Variants in IGHMBP2 observed in about 807,000 individuals in gnomAD.
IGHMBP2 encodes the protein immunoglobulin mu DNA binding protein 2, also known as DNA-binding protein SMUBP-2.
IGHMBP2 carries 81 observed loss-of-function variants against 96.0 expected under a neutral mutation model. The observed-to-expected ratio is 0.84, with a 90% confidence interval of 0.71 to 1.01. The LOEUF (loss-of-function observed/expected upper bound fraction) is 1.01. Ranked by LOEUF, IGHMBP2 falls within the 50% of genes least tolerant of loss-of-function variation. The pLI, the probability that IGHMBP2 is intolerant of heterozygous loss-of-function variation, is 0.00. For synonymous variants in IGHMBP2, 557 were observed against 548.9 expected (o/e 1.01, Z -0.21); for missense variants, 1,227 against 1,306.3 (o/e 0.94, Z 0.94).
intron 1 of IGHMBP2, 117 bp from the exon 2 acceptor site, chr11:68,905,952 A>T (rs1477866111): frequency 9.7e-6 from 10 of 1,032,644 alleles, no homozygotes; most frequent in Non-Finnish European, 1.5e-5. Context: ...CCATTGGGAC[A>T]TATTTAGTGC....
intron 6 of IGHMBP2, 119 bp downstream of exon 6, chr11:68,915,142 A>G: frequency 1.7e-6 from 1 of 586,806 alleles, no homozygotes. Context: ...CGATTCCTTT[A>G]ATAATTTTAA....
At chr11:68,920,773 T>C (rs1033718323) in intron 7 of IGHMBP2, among the ~76,000 whole-genome samples, 4 of 152,116 alleles carry the variant, frequency 2.6e-5, no homozygotes, top group African/African-American at 9.7e-5. Flanking sequence ...TGTAAGCCAC[T>C]GTGCCTGGCC....
chr11:68,926,826 C>T (rs547821720), intron 7 of IGHMBP2, among the ~76,000 whole-genome samples: 78 of 151,728 alleles, frequency 5.1e-4, no homozygotes, highest in African/African-American at 1.8e-3. Flanking sequence ...AGTGCCGTAG[C>T]GTGATCTCGG....
Position 68,905,981 on chromosome 11 carries a change from CTA to C in IGHMBP2, c.87-86_87-85del. On this transcript the variant is annotated intron_variant, in intron 1 of 14. Coordinates refer to ENST00000255078, the MANE Select transcript of IGHMBP2 (RefSeq NM_002180.3). ...TTAGTGCCTGTGAGTAGATCTTTAT[CTA>C]TGTTTCTTTCTCTTTTACTTTTCCT... 2.3e-6 allele frequency: 3 copies of C among 1,312,708 alleles called. No individual in the cohort carries two copies. In the South Asian group the frequency reaches 3.6e-5, roughly 16 times the overall value. The allele number at this position is 1,312,708 out of a possible 1,614,324, so 81.3% of individuals were successfully genotyped here.
At chr11:68,912,405 C>G (rs1265346500) in intron 5 of IGHMBP2, among the ~76,000 whole-genome samples, 1 of 152,170 alleles carries the variant, frequency 6.6e-6, no homozygotes, top group Non-Finnish European at 1.5e-5. Context: ...GCTACGATTA[C>G]AGGCATGAGC....
In IGHMBP2 at chr11:68,915,177, T is replaced by C. The variant is rs1327179257; in HGVS notation, c.912+154T>C. ...AAAATTGGGCTGCCCTTTTTTTTTT[T>C]TTTTTTTTTTTTTTTTTTTGTGACA... On this transcript the variant is annotated intron_variant, in intron 6 of 14. Transcript: ENST00000255078. 1.6e-4 allele frequency among the ~76,000 whole-genome samples: 12 copies of C among 76,950 alleles called. No homozygotes were observed. The Admixed American group carries it at 1.8e-3, about 11-fold the overall frequency. The allele number at this position is 76,950 out of a possible 152,430, so 50.5% of individuals were successfully genotyped here.
chr11:68,910,485 C>T (rs1431755361), intron 4 of IGHMBP2, among the ~76,000 whole-genome samples: 2 of 152,236 alleles, frequency 1.3e-5, no homozygotes, highest in African/African-American at 4.8e-5. Context: ...TGCTTATGAG[C>T]TGCTCCTTAT....
intron 5 of IGHMBP2, 134 bp from the exon 6 acceptor site, chr11:68,914,689 G>A: frequency 2.1e-6 from 2 of 945,448 alleles, no homozygotes; most frequent in Non-Finnish European, 1.7e-6. Context: ...GAAAATGAAT[G>A]CAAGATTTGA....
chr11:68,935,448 TG>T (rs764503626), intron 12 of IGHMBP2, 26 bp downstream of exon 12: 3 of 1,613,536 alleles, frequency 1.9e-6, no homozygotes, highest in Non-Finnish European at 2.5e-6. Flanking sequence ...CAGAGTCCTT[TG>T]GGGACAGCAC....
Position 68,933,879 on chromosome 11 carries a change from G to A in IGHMBP2, c.1503G>A (p.Leu501=). ...CCGCCGGCTGCGGGCTGTTTGAGCT[G>A]GAGGAGGAGGACGAACAGTCGAAAG... ...VDTAGCGLFE[L]EEEDEQSKGN... The change falls in exon 10 of 15, where the codon CTG becomes CTA. Residue 501 remains leucine, a synonymous_variant. Transcript: ENST00000255078. 1.2e-6 allele frequency: 2 copies of A among 1,601,642 alleles called. No individual in the cohort carries two copies. Among genetic ancestry groups the A allele is most frequent in the South Asian group, 1.1e-5 (1 of 89,098 alleles).
intron 5 of IGHMBP2, among the ~76,000 whole-genome samples, chr11:68,912,997 G>A (rs1013642913): frequency 4.1e-4 from 51 of 125,206 alleles, no homozygotes; most frequent in African/African-American, 1.4e-3. Flanking sequence ...AACTGAGATC[G>A]CACCATTGCA....
intron 6 of IGHMBP2, among the ~76,000 whole-genome samples, chr11:68,916,200 G>T (rs1566431055): frequency 6.6e-6 from 1 of 152,076 alleles, no homozygotes. Context: ...ATTTTCCTGG[G>T]TGTCTTTCTG....
intron 7 of IGHMBP2, among the ~76,000 whole-genome samples, chr11:68,921,599 G>T (rs556542953): frequency 1.3e-5 from 2 of 152,080 alleles, no homozygotes; most frequent in Admixed American, 6.5e-5. Context: ...TTTCTTATAC[G>T]CATATTCTAA....
At chr11:68,910,994 T>G (rs1002050131) in intron 4 of IGHMBP2, among the ~76,000 whole-genome samples, 2 of 152,192 alleles carry the variant, frequency 1.3e-5, no homozygotes, top group African/African-American at 4.8e-5. Context: ...TCTTTATCAT[T>G]TTATGGGCAC....
At chr11:68,915,176 T>C (rs1391043891) in intron 6 of IGHMBP2, among the ~76,000 whole-genome samples, 153 bp downstream of exon 6, 131 of 75,630 alleles carry the variant, frequency 1.7e-3, no homozygotes, top group African/African-American at 4.3e-3. Context: ...CTTTTTTTTT[T>C]TTTTTTTTTT....
Position 68,914,904 on chromosome 11 carries a change from C to T in IGHMBP2, c.793C>T (p.Leu265=), listed in dbSNP as rs770943023. ...TCTGTGTAAGCAGCGGATTCTGCGCCTGGGACACCCTGCCCGCCTCCTGGA... is the reference window on the plus strand; with the variant it reads ...TCTGTGTAAGCAGCGGATTCTGCGCTTGGGACACCCTGCCCGCCTCCTGGA... ...LALCKQRILR[L]GHPARLLESI... The change falls in exon 6 of 15, where the codon CTG becomes TTG. Residue 265 remains leucine (L), a synonymous_variant. Transcript: ENST00000255078. 2.5e-6 allele frequency: 4 copies of T among 1,614,130 alleles called. No homozygotes were observed. The African/African-American group carries it at 5.3e-5, about 22-fold the overall frequency.
At position 68,937,045 on chromosome 11, in the gene IGHMBP2, C is replaced by A; in HGVS notation, c.2565C>A (p.Ala855=). 1 of 1,606,110 alleles carries A rather than the reference C, an allele frequency of 6.2e-7. No homozygotes were observed. Among genetic ancestry groups the A allele is most frequent in the Non-Finnish European group, 8.5e-7 (1 of 1,179,942 alleles). The stretch of plus-strand genomic sequence containing the variant: ...AGCCCGCCAGCAAGGAGCAGCAGGC[C>A]TCAGGGCAGCAGAAACTTCCAGAAA... The part of the protein sequence containing the change: ...QGQPASKEQQ[A]SGQQKLPEKK... The change falls in exon 13 of 15, where the codon GCC becomes GCA. Residue 855 remains alanine (A), a synonymous_variant. Transcript: ENST00000255078.
intron 13 of IGHMBP2, 142 bp downstream of exon 13, chr11:68,937,233 T>A: frequency 9.3e-7 from 1 of 1,077,846 alleles, no homozygotes. Context: ...TTATTTTCAG[T>A]CATGCCACTC....
intron 2 of IGHMBP2, among the ~76,000 whole-genome samples, chr11:68,907,818 T>G (rs1276165230): frequency 6.6e-6 from 1 of 151,816 alleles, no homozygotes; most frequent in Non-Finnish European, 1.5e-5. Flanking sequence ...GCCTCCCGAG[T>G]AGCTGGGACC....
Sources: allele counts gnomAD v4.1 joint callset (sites outside exome capture counted in the v4.1 genomes callset), GRCh38; gene constraint gnomAD v4.1.1; transcripts MANE v1.5; gene names NCBI Gene and HGNC (gene_info 2026-07-23, HGNC 2026-07-21).